The following PRKCA variants were observed in gnomAD, a reference collection of about 807,000 sequenced individuals.
PRKCA encodes protein kinase C alpha.
In PRKCA, 27 loss-of-function variants were observed where a neutral mutation model predicts 87.0. The ratio of observed to expected loss-of-function variants is 0.31; its 90% CI spans 0.23 to 0.43. The LOEUF is 0.43. Among genes scored for constraint, PRKCA ranks in the 20% least tolerant of loss-of-function variants. The pLI is 1.00. For missense variants in PRKCA, 518 were observed against 852.3 expected, an observed-to-expected ratio of 0.61 and a Z score of 4.88; for synonymous variants, 329 against 311.1, an observed-to-expected ratio of 1.06 and a Z score of -0.61.
intron 14 of PRKCA, among the ~76,000 whole-genome samples, chr17:66,778,644 C>T (rs906945753): frequency 2.0e-5 from 3 of 152,008 alleles, no homozygotes; most frequent in East Asian, 1.9e-4. Flanking sequence ...TCCAGGAGTT[C>T]GAGACCAGGG....
intron 3 of PRKCA, among the ~76,000 whole-genome samples, chr17:66,541,104 G>A (rs1309214771): frequency 1.3e-5 from 2 of 152,202 alleles, no homozygotes. Context: ...ATTTAGAGTA[G>A]ACTCTCAAAT....
intron 2 of PRKCA, among the ~76,000 whole-genome samples, chr17:66,353,279 T>A (rs1907860283): frequency 6.6e-6 from 1 of 152,224 alleles, no homozygotes; most frequent in Admixed American, 6.5e-5. Flanking sequence ...TTGATCCTAA[T>A]CTTTAATTTT....
chr17:66,736,329 G>A (rs1364858566), intron 10 of PRKCA, among the ~76,000 whole-genome samples: 4 of 150,952 alleles, frequency 2.6e-5, no homozygotes, highest in Non-Finnish European at 4.4e-5. Flanking sequence ...CCAGGCTGGA[G>A]TGCAATGGTG....
intron 3 of PRKCA, among the ~76,000 whole-genome samples, chr17:66,539,473 G>A (rs59783780): frequency 0.013 from 1,999 of 150,464 alleles, 53 homozygotes; most frequent in African/African-American, 0.047. Context: ...GCGTGATCTC[G>A]GCTCACTGCA....
chr17:66,742,025 T>G (rs192659837), intron 12 of PRKCA, among the ~76,000 whole-genome samples: 37 of 152,190 alleles, frequency 2.4e-4, no homozygotes, highest in African/African-American at 8.2e-4. Context: ...CAATGGAAAC[T>G]GAATTCCTGT....
chr17:66,327,366 CAAAAAAAAAAA>C, intron 2 of PRKCA, among the ~76,000 whole-genome samples: 1 of 80,012 alleles, frequency 1.2e-5, no homozygotes, highest in Non-Finnish European at 2.3e-5. Flanking sequence ...AACTCTGTCT[CAAAAAAAAAAA>C]AAAAAAAAAA....
intron 2 of PRKCA, among the ~76,000 whole-genome samples, chr17:66,397,138 G>A (rs980373859): frequency 1.3e-5 from 2 of 151,076 alleles, no homozygotes; most frequent in Non-Finnish European, 3.0e-5. Context: ...GCTAATTTTT[G>A]TATTTTTGGT....
intron 10 of PRKCA, 73 bp downstream of exon 10, chr17:66,735,735 C>G: frequency 6.6e-7 from 1 of 1,511,110 alleles, no homozygotes; most frequent in Non-Finnish European, 9.0e-7. Flanking sequence ...AGCTTCTTAG[C>G]ATCCTTGTTC....
chr17:66,617,034 A>G (rs1014269130), intron 3 of PRKCA, among the ~76,000 whole-genome samples: 1 of 152,222 alleles, frequency 6.6e-6, no homozygotes, highest in Non-Finnish European at 1.5e-5. Context: ...ATTCTGATTA[A>G]CACAGAACAT....
At chr17:66,443,570 G>A (rs983593123) in intron 2 of PRKCA, among the ~76,000 whole-genome samples, 1 of 152,158 alleles carries the variant, frequency 6.6e-6, no homozygotes, top group Admixed American at 6.5e-5. Flanking sequence ...CTGTTATGGT[G>A]AGTGACATGG....
At chr17:66,341,770 C>G (rs566675057) in intron 2 of PRKCA, among the ~76,000 whole-genome samples, 1 of 152,294 alleles carries the variant, frequency 6.6e-6, no homozygotes, top group South Asian at 2.1e-4. Context: ...CTTTAGAATA[C>G]TGTTTCTCTT....
At chr17:66,499,812 T>A (rs1916648696) in intron 3 of PRKCA, among the ~76,000 whole-genome samples, 2 of 152,154 alleles carry the variant, frequency 1.3e-5, no homozygotes, top group Non-Finnish European at 1.5e-5. Context: ...TATTAGATAT[T>A]CAATGCAGTC....
intron 2 of PRKCA, among the ~76,000 whole-genome samples, chr17:66,333,637 G>A (rs749087313): frequency 1.3e-5 from 2 of 152,082 alleles, no homozygotes; most frequent in African/African-American, 2.4e-5. Context: ...TCTGGGCTAC[G>A]TAAATGGGAG....
At chr17:66,336,647 T>TATTA (rs1906688497) in intron 2 of PRKCA, among the ~76,000 whole-genome samples, 1 of 132,028 alleles carries the variant, frequency 7.6e-6, no homozygotes, top group Admixed American at 7.1e-5. Flanking sequence ...TATAGTAAAT[T>TATTA]ATTAAACATT....
chr17:66,655,459 A>T (rs904309055), intron 5 of PRKCA, among the ~76,000 whole-genome samples: 3 of 152,134 alleles, frequency 2.0e-5, no homozygotes, highest in African/African-American at 7.2e-5. Context: ...CTCCCCAGAG[A>T]ACGTCTTTTT....
intron 2 of PRKCA, among the ~76,000 whole-genome samples, chr17:66,347,877 G>A (rs991169730): frequency 2.5e-4 from 37 of 149,758 alleles, no homozygotes; most frequent in African/African-American, 8.8e-4. Context: ...GCTCAAGACA[G>A]CCCTCATCCC....
At chr17:66,714,385 G>A (rs187131303) in intron 8 of PRKCA, among the ~76,000 whole-genome samples, 7 of 152,142 alleles carry the variant, frequency 4.6e-5, no homozygotes, top group African/African-American at 7.2e-5. Flanking sequence ...TGTGCCCACC[G>A]TTGGAGACAG....
intron 2 of PRKCA, among the ~76,000 whole-genome samples, chr17:66,364,911 T>C (rs545144837): frequency 2.0e-5 from 3 of 152,312 alleles, no homozygotes; most frequent in African/African-American, 7.2e-5. Flanking sequence ...GAATACTATT[T>C]TCCCACTTGC....
rs146628340 is a variant in PRKCA at position 66,488,430 on chromosome 17, A to G, written c.206-7771A>G. On this transcript the variant is annotated intron_variant, in intron 2 of 16. Transcript: ENST00000413366. ...TCTCCTCTGAGTCTTCTGTACTCTC[A>G]GTTTCATCATAAGGCTCACCTCTTG... Among the ~76,000 whole-genome samples the G allele has an allele frequency of 2.7e-3, 406 of 152,244 alleles. 4 individuals are homozygous for G. Among genetic ancestry groups the G allele is most frequent in the Non-Finnish European group, 4.1e-3 (277 of 68,012 alleles).
Sources: allele counts gnomAD v4.1 joint callset (sites outside exome capture counted in the v4.1 genomes callset), GRCh38; gene constraint gnomAD v4.1.1; transcripts MANE v1.5; gene names NCBI Gene and HGNC (gene_info 2026-07-23, HGNC 2026-07-21).